The following EML2 variants were observed in gnomAD, a reference collection of about 807,000 sequenced individuals.
The protein encoded by EML2 is EMAP like 2, also known as echinoderm microtubule-associated protein-like 2.
A neutral mutation model predicts 84.7 loss-of-function variants in EML2; 59 were observed. The ratio of observed to expected loss-of-function variants is 0.70; its 90% CI spans 0.56 to 0.86. The LOEUF is 0.86. Among genes scored for constraint, EML2 ranks in the 40% least tolerant of loss-of-function variants. The pLI, the probability that EML2 is intolerant of heterozygous loss-of-function variation, is 0.00. For missense variants in EML2, 818 were observed against 855.6 expected, an observed-to-expected ratio of 0.96 and a Z score of 0.55; for synonymous variants, 352 against 348.9, an observed-to-expected ratio of 1.01 and a Z score of -0.10.
chr19:45,627,692 T>C (rs1294228847), intron 7 of EML2, among the ~76,000 whole-genome samples: 2 of 152,220 alleles, frequency 1.3e-5, no homozygotes, highest in Non-Finnish European at 2.9e-5. Flanking sequence ...CTCAACATTT[T>C]ACAATCATTA....
intron 11 of EML2, among the ~76,000 whole-genome samples, chr19:45,619,774 G>A (rs1465134845): frequency 6.6e-6 from 1 of 152,338 alleles, no homozygotes; most frequent in Non-Finnish European, 1.5e-5. Context: ...GAAAATGCTG[G>A]CCAGGTGCGG....
At chr19:45,618,360 C>G (rs1000748007) in intron 12 of EML2, among the ~76,000 whole-genome samples, 3 of 152,062 alleles carry the variant, frequency 2.0e-5, no homozygotes, top group African/African-American at 7.2e-5. Context: ...CAGGTGTCAG[C>G]CACCACACCC....
chr19:45,645,213 C>A, upstream of EML2: 1 of 1,497,738 alleles, frequency 6.7e-7, no homozygotes, highest in Non-Finnish European at 8.9e-7. Flanking sequence ...GAGGCTGGGG[C>A]AAGAAGAGAT....
At chr19:45,645,390 C>T (rs754177536), upstream of EML2, 6 of 1,505,404 alleles carry the variant, frequency 4.0e-6, no homozygotes, top group Non-Finnish European at 5.3e-6. Context: ...CGGGCCCGGT[C>T]CCCCCAACCA....
chr19:45,617,616 C>T lies in EML2; in HGVS notation c.1322+14G>A. ...AGCAGAGAAGGCCTCCCGAAATGCTCTCCTCAGCTTTACCTGCCAGTCACT... is the reference window on the plus strand; with the variant it reads ...AGCAGAGAAGGCCTCCCGAAATGCTTTCCTCAGCTTTACCTGCCAGTCACT... On this transcript the variant is annotated intron_variant, in intron 13 of 18. Coordinates refer to ENST00000245925, the MANE Select transcript of EML2 (RefSeq NM_012155.4). The T allele has an allele frequency of 6.2e-7, 1 of 1,611,870 alleles. No homozygotes were observed. Among genetic ancestry groups the T allele is most frequent in the Non-Finnish European group, 8.5e-7 (1 of 1,179,000 alleles).
intron 11 of EML2, chr19:45,620,801 G>A: frequency 2.8e-6 from 1 of 353,892 alleles, no homozygotes; most frequent in Non-Finnish European, 5.6e-6. Flanking sequence ...GAGGGAGGAG[G>A]CCAGGAAGGG....
intron 12 of EML2, 68 bp downstream of exon 12, chr19:45,618,992 T>G: frequency 3.2e-5 from 47 of 1,477,002 alleles, no homozygotes; most frequent in Non-Finnish European, 4.3e-5. Context: ...TCTAATGTGC[T>G]GAGCCCTGAC....
chr19:45,641,109 T>C (rs1974439066), upstream of EML2: 1 of 155,154 alleles, frequency 6.4e-6, no homozygotes, highest in African/African-American at 2.4e-5. Context: ...GCCCAACCTT[T>C]AAGCCACGCC....
rs1671348044 is a variant in EML2, at chr19:45,621,471, G to A, written c.996+12C>T. The A allele has an allele frequency of 6.2e-7, 1 of 1,606,708 alleles. No homozygotes were observed. The highest frequency in any genetic ancestry group is 8.5e-7 in the Non-Finnish European group (1 of 1,177,768). Reference sequence around the variant, plus strand: ...CTCTCTACCCCCATCTGAGCCCACTGCCCCTCCTCACCTCCACTTCCTGCA... The same window carrying A: ...CTCTCTACCCCCATCTGAGCCCACTACCCCTCCTCACCTCCACTTCCTGCA... On this transcript the variant is annotated intron_variant, in intron 10 of 18. Coordinates refer to ENST00000245925, the MANE Select transcript of EML2 (RefSeq NM_012155.4).
intron 1 of EML2, 122 bp from the exon 2 acceptor site, chr19:45,638,995 G>A: frequency 8.5e-7 from 1 of 1,178,796 alleles, no homozygotes; most frequent in Non-Finnish European, 1.3e-6. Context: ...CCGAGTAAGG[G>A]GCAGAGCGCT....
intron 6 of EML2, among the ~76,000 whole-genome samples, chr19:45,631,896 T>A (rs1973082101): frequency 7.0e-6 from 1 of 143,732 alleles, no homozygotes; most frequent in Non-Finnish European, 1.5e-5. Context: ...TTTTTTTTTT[T>A]TTTTTTTTTT....
chr19:45,638,505 A>C lies in EML2; in HGVS notation c.179T>G (p.Val60Gly). 1 of 1,613,766 alleles carries C rather than the reference A, an allele frequency of 6.2e-7. No individual in the cohort carries two copies. Among genetic ancestry groups the C allele is most frequent in the Admixed American group, 1.7e-5 (1 of 59,978 alleles). Residue 60 changes from valine to glycine, a missense_variant and splice_region_variant, in exon 3 of 19, where the codon GTC (valine) becomes GGC (glycine). Physicochemically the swap from Val to Gly is moderately radical, Grantham distance 109. Coordinates refer to ENST00000245925, the MANE Select transcript of EML2 (RefSeq NM_012155.4). ...CAAGGAGATTCCAGCAAAAGGATAC[A>C]CCCACTCCAGCTTGAGCCGGCAAGA... ...LPSCRLKLEWVYGYRGRDCRA... is the reference protein window; with the variant it reads ...LPSCRLKLEWGYGYRGRDCRA...
upstream of EML2, chr19:45,645,342 C>G (rs1430154709): frequency 6.5e-7 from 1 of 1,531,276 alleles, no homozygotes; most frequent in African/African-American, 1.4e-5. Flanking sequence ...TCCGCCATCG[C>G]CCCACCACAG....
intron 11 of EML2, 175 bp from the exon 12 acceptor site, chr19:45,619,366 T>C: frequency 1.4e-6 from 1 of 715,574 alleles, no homozygotes; most frequent in East Asian, 3.1e-5. Context: ...TCTGAACCCA[T>C]GCCCTGGTGT....
At chr19:45,624,474 G>C (rs2122690796) in intron 9 of EML2, among the ~76,000 whole-genome samples, 1 of 152,094 alleles carries the variant, frequency 6.6e-6, no homozygotes, top group South Asian at 2.1e-4. Context: ...AAACACAACT[G>C]AGCTAACCCA....
chr19:45,622,906 G>A (rs1434346329), intron 9 of EML2, among the ~76,000 whole-genome samples: 2 of 151,276 alleles, frequency 1.3e-5, no homozygotes, highest in South Asian at 2.1e-4. Flanking sequence ...AAAATTAGCC[G>A]GGAGTGGTGA....
At chr19:45,623,176 G>A (rs1971919284) in intron 9 of EML2, among the ~76,000 whole-genome samples, 1 of 150,894 alleles carries the variant, frequency 6.6e-6, no homozygotes, top group Non-Finnish European at 1.5e-5. Context: ...TGGCTAACAC[G>A]GTGAAACCCC....
upstream of EML2, chr19:45,642,182 C>T: frequency 6.5e-7 from 1 of 1,531,298 alleles, no homozygotes; most frequent in South Asian, 1.2e-5. Flanking sequence ...TTGGGGGTGC[C>T]CCGCGCGCGT....
chr19:45,614,363 G>A (rs148227585), intron 17 of EML2, among the ~76,000 whole-genome samples: 3 of 152,328 alleles, frequency 2.0e-5, no homozygotes, highest in East Asian at 3.9e-4. Flanking sequence ...ATGAATGGGT[G>A]GCTAGGGCAC....
Sources: allele counts gnomAD v4.1 joint callset (sites outside exome capture counted in the v4.1 genomes callset), GRCh38; gene constraint gnomAD v4.1.1; transcripts MANE v1.5; gene names NCBI Gene and HGNC (gene_info 2026-07-23, HGNC 2026-07-21).